Variants in TENT4B observed in about 807,000 individuals in gnomAD.
The protein encoded by TENT4B is terminal nucleotidyltransferase 4B, also known as PAP associated domain containing 5.
Under a neutral mutation model 75.0 loss-of-function variants are expected in TENT4B, and 10 were observed. The observed-to-expected ratio is 0.13, with a 90% CI of 0.08 to 0.23. The LOEUF (loss-of-function observed/expected upper bound fraction) is 0.23, where lower values mean the gene tolerates loss of function less well. TENT4B is among the 10% of genes least tolerant of loss of function. The pLI is 1.00. For missense variants in TENT4B, 579 were observed against 893.8 expected (o/e 0.65, Z 4.49); for synonymous variants, 350 against 357.7 (o/e 0.98, Z 0.24).
rs1426919828 is a variant in TENT4B, at chr16:50,153,763, G to GGCGGCGGCA, written c.145_153dup (p.Gly49_Ser51dup). ...TCACAGCAGCGGCGGCGCGAGCGGC[G>GGCGGCGGCA]GCGGCGGCAGCAGCAGCAGCAGCAG... On this transcript the variant is annotated inframe_insertion, in exon 1 of 12. Transcript: ENST00000561678. 2.7e-6 allele frequency: 3 copies of GGCGGCGGCA among 1,094,696 alleles called. No homozygotes were observed. In the East Asian group the frequency reaches 1.9e-4, roughly 71 times the overall value. 67.8% of individuals were successfully genotyped at this position (1,094,696 alleles called of 1,614,324 possible).
intron 1 of TENT4B, among the ~76,000 whole-genome samples, chr16:50,201,773 G>T (rs969328707): frequency 2.0e-5 from 3 of 151,206 alleles, no homozygotes; most frequent in Non-Finnish European, 4.4e-5. Flanking sequence ...GACCCTGGAG[G>T]CAGAGGTTGG....
intron 1 of TENT4B, among the ~76,000 whole-genome samples, chr16:50,200,999 GCCATGTTACCCA>G (rs1231253475): frequency 6.6e-6 from 1 of 151,616 alleles, no homozygotes; most frequent in South Asian, 2.1e-4. Flanking sequence ...GTGGGATCTC[GCCATGTTACCCA>G]GGTGGTCTTG....
rs1384333292 is a variant in TENT4B at position 50,230,523 on chromosome 16, CA to C, written c.*1196del. The C allele has an allele frequency of 1.0e-6, 1 of 976,364 alleles. No individual in the cohort carries two copies. Among genetic ancestry groups the C allele is most frequent in the African/African-American group, 1.8e-5 (1 of 56,980 alleles). The allele number at this position is 976,364 out of a possible 1,614,324, so 60.5% of individuals were successfully genotyped here. A position where few individuals can be genotyped will look rare whatever the true frequency, so the allele number is the denominator to read the frequency against. On this transcript the variant is annotated 3_prime_UTR_variant, in exon 12 of 12. Transcript: ENST00000561678. ...TATAAAAAACTATTTTCTTATATTC[CA>C]CTCTATGCTTTTGGTATTGTTGATC...
chr16:50,221,962 A>G (rs946107582), intron 5 of TENT4B, among the ~76,000 whole-genome samples: 2 of 151,918 alleles, frequency 1.3e-5, no homozygotes, highest in African/African-American at 4.8e-5. Flanking sequence ...TAGGCGTTTC[A>G]CCATGTTGGC....
At chr16:50,222,073 A>G (rs1029561242) in intron 5 of TENT4B, among the ~76,000 whole-genome samples, 1 of 152,174 alleles carries the variant, frequency 6.6e-6, no homozygotes, top group African/African-American at 2.4e-5. Flanking sequence ...CCCTGTAGCA[A>G]GTACTTAGAT....
At chr16:50,153,247 C>A (rs1036273156), upstream of TENT4B, among the ~76,000 whole-genome samples, 1 of 138,732 alleles carries the variant, frequency 7.2e-6, no homozygotes, top group Non-Finnish European at 1.5e-5. Context: ...GCCGGAGGAG[C>A]GAGGACGCTA....
rs374841033 is a variant in TENT4B, at chr16:50,158,588, G to T, written c.638+4329G>T. On this transcript the variant is annotated intron_variant, in intron 1 of 11. Coordinates refer to ENST00000561678, the MANE Select transcript of TENT4B (RefSeq NM_001365324.3). ...AAGAAGTAGCAAATACAGGGAATTT[G>T]CAGAACTTGGTCTTGAGCCCTGGGT... is the stretch of plus-strand genomic sequence containing the variant. Among the ~76,000 whole-genome samples, 7 of 152,328 alleles carry T rather than the reference G, an allele frequency of 4.6e-5. No individual in the cohort carries two copies. In the East Asian group the frequency reaches 1.2e-3, roughly 25 times the overall value.
Position 50,232,801 on chromosome 16 carries a change from A to T in TENT4B, c.*3473A>T, listed in dbSNP as rs2032334941. ...CATGACTACATCTCAGTTTTACTTT[A>T]ATATTGATCTATAGTTTGATCAGTT... On this transcript the variant is annotated 3_prime_UTR_variant, in exon 12 of 12. Coordinates refer to ENST00000561678, the MANE Select transcript of TENT4B (RefSeq NM_001365324.3). The T allele has an allele frequency of 1.0e-6, 1 of 985,174 alleles. No individual in the cohort carries two copies. The highest frequency in any genetic ancestry group is 1.7e-5 in the African/African-American group (1 of 57,232). 61.0% of individuals were successfully genotyped at this position (985,174 alleles called of 1,614,324 possible).
In TENT4B at chr16:50,158,984, T is replaced by C. The variant is rs554763062; in HGVS notation, c.638+4725T>C. Among the ~76,000 whole-genome samples, 3 of 152,204 alleles carry C rather than the reference T, an allele frequency of 2.0e-5. No individual in the cohort carries two copies. The South Asian group carries it at 6.2e-4, about 32-fold the overall frequency. ...TTGGAAATAAGGGCCAGAAGGACTA[T>C]TGGTTTGGGTAAGAAGATAGTAGGG... is the stretch of plus-strand genomic sequence containing the variant. On this transcript the variant is annotated intron_variant, in intron 1 of 11. Coordinates refer to ENST00000561678, the MANE Select transcript of TENT4B (RefSeq NM_001365324.3).
chr16:50,161,315 G>C (rs761350905), intron 1 of TENT4B, among the ~76,000 whole-genome samples: 3 of 152,164 alleles, frequency 2.0e-5, no homozygotes, highest in Admixed American at 2.0e-4. Context: ...TTGAGTTAAA[G>C]ATTTTTGGGA....
In TENT4B at chr16:50,211,539, C is replaced by G. The variant is rs890555775; in HGVS notation, c.762+93C>G. On this transcript the variant is annotated intron_variant, in intron 2 of 11. Coordinates refer to ENST00000561678, the MANE Select transcript of TENT4B (RefSeq NM_001365324.3). ...GGTATCTCATGCTAGTCCTCACATG[C>G]AAGTAGAAGTGCTCTGTAGAGTTGT... 3.7e-6 allele frequency: 5 copies of G among 1,355,866 alleles called. No homozygotes were observed. The African/African-American group carries it at 6.0e-5, about 16-fold the overall frequency. 84.0% of individuals were successfully genotyped at this position (1,355,866 alleles called of 1,614,324 possible). A position where few individuals can be genotyped will look rare whatever the true frequency, so the allele number is the denominator to read the frequency against.
At position 50,164,416 on chromosome 16, in the gene TENT4B, T is replaced by C. The variant is rs911170200; in HGVS notation, c.638+10157T>C. Among the ~76,000 whole-genome samples the C allele has an allele frequency of 4.6e-5, 7 of 151,958 alleles. No homozygotes were observed. In the South Asian group the frequency reaches 1.5e-3, roughly 32 times the overall value. On this transcript the variant is annotated intron_variant, in intron 1 of 11. Coordinates refer to ENST00000561678, the MANE Select transcript of TENT4B (RefSeq NM_001365324.3). ...GCCCCGCCACCCAAGTTCAAGCAAT[T>C]TTCTGCCTCAGCCTCCCGAGTAGCT...
intron 1 of TENT4B, among the ~76,000 whole-genome samples, chr16:50,208,292 C>T (rs10852607): frequency 0.65 from 98,641 of 152,170 alleles, 34,628 homozygotes; most frequent in Non-Finnish European, 0.76. Context: ...GGGTAGTCTT[C>T]AGAGCCTGTC....
At chr16:50,155,049 A>G (rs1252689245) in intron 1 of TENT4B, among the ~76,000 whole-genome samples, 1 of 152,110 alleles carries the variant, frequency 6.6e-6, no homozygotes, top group Non-Finnish European at 1.5e-5. Flanking sequence ...AATGCTTTTC[A>G]TTCTAGGGGG....
At chr16:50,173,144 A>G (rs921452450) in intron 1 of TENT4B, among the ~76,000 whole-genome samples, 7 of 152,112 alleles carry the variant, frequency 4.6e-5, no homozygotes, top group African/African-American at 1.4e-4. Flanking sequence ...GGGTTTTACC[A>G]TATTGGTCAG....
intron 7 of TENT4B, among the ~76,000 whole-genome samples, chr16:50,224,379 C>T (rs970368807): frequency 2.6e-5 from 4 of 152,106 alleles, no homozygotes; most frequent in Admixed American, 6.5e-5. Context: ...GTGAACAGGG[C>T]ACTATTTCTT....
At chr16:50,168,121 AAAG>A (rs1051511888) in intron 1 of TENT4B, among the ~76,000 whole-genome samples, 8 of 95,628 alleles carry the variant, frequency 8.4e-5, no homozygotes, top group South Asian at 8.2e-4. Context: ...TAAAAAAAAA[AAAG>A]AATGCAGAAG....
intron 1 of TENT4B, among the ~76,000 whole-genome samples, chr16:50,193,547 C>T (rs770321582): frequency 2.0e-5 from 3 of 151,888 alleles, no homozygotes; most frequent in Non-Finnish European, 4.4e-5. Flanking sequence ...ACCGTGTTTG[C>T]TAGGATGGTC....
intron 1 of TENT4B, among the ~76,000 whole-genome samples, chr16:50,175,594 C>T (rs2038291756): frequency 6.6e-6 from 1 of 151,832 alleles, no homozygotes; most frequent in Non-Finnish European, 1.5e-5. Flanking sequence ...AAGGGATTCT[C>T]CTGCCTCAGC....
Sources: gnomAD v4.1 joint callset for allele counts (sites outside exome capture counted in the v4.1 genomes callset) on GRCh38, gnomAD v4.1.1 for gene constraint, MANE v1.5 for transcripts, NCBI Gene and HGNC (gene_info 2026-07-23, HGNC 2026-07-21) for gene names.